The following GRIN1 variants were observed in gnomAD, a reference collection of about 807,000 sequenced individuals.
GRIN1 encodes the protein glutamate ionotropic receptor NMDA type subunit 1.
GRIN1 carries 38 observed loss-of-function variants against 103.0 expected under a neutral mutation model. The ratio of observed to expected loss-of-function variants is 0.37; its 90% confidence interval spans 0.28 to 0.48. GRIN1 has a LOEUF of 0.48. GRIN1 is among the 20% of genes least tolerant of loss of function. The probability of loss-of-function intolerance (pLI) is 0.98; values close to 1 mark genes in which losing one functional copy is unlikely to be tolerated. For missense variants in GRIN1, 577 were observed against 1,288.9 expected (o/e 0.45, Z 8.46); for synonymous variants, 544 against 532.7 (o/e 1.02, Z -0.29).
At chr9:137,163,086 G>A (rs1051336928) in intron 15 of GRIN1, 83 bp downstream of exon 15, 2 of 1,577,014 alleles carry the variant, frequency 1.3e-6, no homozygotes, top group Non-Finnish European at 1.7e-6. Flanking sequence ...GAGAGCGTCC[G>A]GGCCGGGCAC....
intron 19 of GRIN1, among the ~76,000 whole-genome samples, chr9:137,165,817 G>A (rs1165999354): frequency 6.6e-6 from 1 of 152,226 alleles, no homozygotes; most frequent in Non-Finnish European, 1.5e-5. Context: ...CACTGGCCCC[G>A]CCCCCCAGAC....
chr9:137,146,336 C>T lies in GRIN1; in HGVS notation c.570+434C>T, dbSNP rs1832529977. Among the ~76,000 whole-genome samples, 1 of 152,030 alleles carries T rather than the reference C, an allele frequency of 6.6e-6. No individual in the cohort carries two copies. Reference sequence around the variant, plus strand: ...ACATACCGCCCCTGCAGGCCTGTCCCCTCCTGGCTGGGCCCATTCCCTGTC... The same window carrying T: ...ACATACCGCCCCTGCAGGCCTGTCCTCTCCTGGCTGGGCCCATTCCCTGTC... On this transcript the variant is annotated intron_variant, in intron 3 of 19. Transcript: ENST00000371561. This position sits in a 1 kb window ranked among gnomAD's most constrained non-coding sequence, Gnocchi z 6.7.
At position 137,139,557 on chromosome 9, in the gene GRIN1, C is replaced by G. The variant is rs1832050918; in HGVS notation, c.71C>G (p.Pro24Arg). 1.2e-6 allele frequency: 2 copies of G among 1,612,612 alleles called. No homozygotes were observed. The highest frequency in any genetic ancestry group is 2.2e-5 in the South Asian group (2 of 91,074). Residue 24 changes from proline (P) to arginine (R), a missense_variant, in exon 1 of 20, where the codon CCC (proline) becomes CGC (arginine). Transcript: ENST00000371561. The surrounding 1 kb of genome is among the most constrained non-coding windows in gnomAD (Gnocchi z 7.7). ...TCCGTCGCCCGTGCCGCGTGCGACC[C>G]CAAGATCGTCAACATTGGCGCGGTG... ...SCSVARAACD[P>R]KIVNIGAVLS...
At position 137,161,432 on chromosome 9, in the gene GRIN1, G is replaced by T. The variant is rs1444956413; in HGVS notation, c.1467+16G>T. On this transcript the variant is annotated intron_variant, in intron 10 of 19. Coordinates refer to ENST00000371561, the MANE Select transcript of GRIN1 (RefSeq NM_007327.4). ...ACAGGAGCGGGTAGGCTGGACGGCG[G>T]GGGTGGGGACCAGCGTGAGAGGGGC... 1.9e-6 allele frequency: 3 copies of T among 1,607,662 alleles called. No homozygotes were observed. The highest frequency in any genetic ancestry group is 1.7e-6 in the Non-Finnish European group (2 of 1,177,630).
chr9:137,165,541 C>G, intron 19 of GRIN1: 1 of 551,592 alleles, frequency 1.8e-6, no homozygotes, highest in East Asian at 3.1e-5. Flanking sequence ...CGCCCACCTC[C>G]CCTGCCATGA....
chr9:137,161,888 G>A (rs1256195043), intron 10 of GRIN1, 36 bp from the exon 11 acceptor site: 4 of 1,545,956 alleles, frequency 2.6e-6, no homozygotes, highest in Non-Finnish European at 3.5e-6. Context: ...CTGGGAGGAC[G>A]CTGCCTGCAT....
At chr9:137,140,035 G>A (rs1832081364) in intron 1 of GRIN1, among the ~76,000 whole-genome samples, 2 of 152,048 alleles carry the variant, frequency 1.3e-5, no homozygotes, top group Admixed American at 1.3e-4. Flanking sequence ...GAGTGTGTCA[G>A]TGTGGGGGTG....
chr9:137,167,763 C>T lies in GRIN1; in HGVS notation c.*236C>T. The T allele has an allele frequency of 6.2e-7, 1 of 1,611,864 alleles. No individual in the cohort carries two copies. Among genetic ancestry groups the T allele is most frequent in the Non-Finnish European group, 8.5e-7 (1 of 1,179,400 alleles). On this transcript the variant is annotated 3_prime_UTR_variant, in exon 20 of 20. Coordinates refer to ENST00000371561, the MANE Select transcript of GRIN1 (RefSeq NM_007327.4). Reference sequence around the variant, plus strand: ...TAACGGGCGCCTTGTCTGTGTATTTCTATTTTGCAGCAGTACCATCCCACT... The same window carrying T: ...TAACGGGCGCCTTGTCTGTGTATTTTTATTTTGCAGCAGTACCATCCCACT...
chr9:137,155,071 T>G (rs190711099), intron 4 of GRIN1, among the ~76,000 whole-genome samples: 66 of 152,372 alleles, frequency 4.3e-4, no homozygotes, highest in Non-Finnish European at 7.1e-4. Flanking sequence ...TTTCCAAAAC[T>G]TTTCATTTTC....
At chr9:137,144,502 A>T (rs939106220) in intron 2 of GRIN1, among the ~76,000 whole-genome samples, 5 of 151,786 alleles carry the variant, frequency 3.3e-5, no homozygotes, top group African/African-American at 1.2e-4. Context: ...AAAATACAAA[A>T]AAATTAGCCG....
chr9:137,161,079 C>A lies in GRIN1; in HGVS notation c.1221C>A (p.Pro407=). 6.2e-7 allele frequency: 1 copy of A among 1,612,976 alleles called. No homozygotes were observed. The highest frequency in any genetic ancestry group is 1.1e-5 in the South Asian group (1 of 91,086). The change falls in exon 9 of 20, where the codon CCC becomes CCA. Residue 407 remains proline (P), a synonymous_variant. Transcript: ENST00000371561. ...RLKIVTIHQE[P]FVYVKPTLSD... is the part of the protein sequence containing the mutation. ...AGATTGTGACGATCCACCAGGAGCC[C>A]TTCGTGTACGTCAAGCCCACGCTGA...
Position 137,156,659 on chromosome 9 carries a change from T to C in GRIN1, c.672-10T>C. The C allele has an allele frequency of 1.2e-6, 2 of 1,600,224 alleles. No homozygotes were observed. The highest frequency in any genetic ancestry group is 2.3e-5 in the South Asian group (2 of 88,888). On this transcript the variant is annotated splice_polypyrimidine_tract_variant and intron_variant, in intron 4 of 19. Coordinates refer to ENST00000371561, the MANE Select transcript of GRIN1 (RefSeq NM_007327.4). ...GGAGTCCTGGCCCGTCATCCCCGTC[T>C]GCCCCACAGCGAGGACGATGCTGCC...
Position 137,163,163 on chromosome 9 carries a change from C to T in GRIN1, c.2172-6C>T, listed in dbSNP as rs1435746394. 1 of 1,612,738 alleles carries T rather than the reference C, an allele frequency of 6.2e-7. No individual in the cohort carries two copies. The highest frequency in any genetic ancestry group is 8.5e-7 in the Non-Finnish European group (1 of 1,179,822). ...AAGGCCCCCGTGACTCCGCCTCTGC[C>T]GGCAGCAAGCTGCATGCCTTCATCT... On this transcript the variant is annotated splice_polypyrimidine_tract_variant and splice_region_variant and intron_variant, in intron 15 of 19. Transcript: ENST00000371561.
intron 1 of GRIN1, among the ~76,000 whole-genome samples, chr9:137,140,598 A>G (rs1258907580): frequency 1.3e-5 from 2 of 152,222 alleles, no homozygotes; most frequent in Non-Finnish European, 2.9e-5. Flanking sequence ...ATCCATTGAC[A>G]CCTGCTCATG....
At chr9:137,162,109 G>A in intron 11 of GRIN1, 21 bp downstream of exon 11, 1 of 1,531,928 alleles carries the variant, frequency 6.5e-7, no homozygotes, top group South Asian at 1.2e-5. Context: ...GCCGGGTGGC[G>A]GGGTGGCGGC....
rs1192637478 is a variant in GRIN1 at position 137,146,946 on chromosome 9, G to A, written c.570+1044G>A. 1.3e-5 allele frequency among the ~76,000 whole-genome samples: 2 copies of A among 151,858 alleles called. No homozygotes were observed. Among genetic ancestry groups the A allele is most frequent in the Non-Finnish European group, 2.9e-5 (2 of 67,876 alleles). ...GTCGTGGGGGGTCTGCTGAGTCTTGGGGGGGAGGGGCATGGGCACCAAGGG... is the reference window on the plus strand; with the variant it reads ...GTCGTGGGGGGTCTGCTGAGTCTTGAGGGGGAGGGGCATGGGCACCAAGGG... On this transcript the variant is annotated intron_variant, in intron 3 of 19. Coordinates refer to ENST00000371561, the MANE Select transcript of GRIN1 (RefSeq NM_007327.4). This position sits in a 1 kb window ranked among gnomAD's most constrained non-coding sequence, Gnocchi z 6.7.
At chr9:137,141,549 C>T (rs1295218561) in intron 1 of GRIN1, among the ~76,000 whole-genome samples, 1 of 152,198 alleles carries the variant, frequency 6.6e-6, no homozygotes, top group Non-Finnish European at 1.5e-5. Flanking sequence ...CAGCTCCTAG[C>T]TGCTTCCCCC....
chr9:137,150,009 C>A (rs1832749911), intron 4 of GRIN1, among the ~76,000 whole-genome samples: 1 of 152,204 alleles, frequency 6.6e-6, no homozygotes, highest in Non-Finnish European at 1.5e-5. Flanking sequence ...CAGGGTGGGG[C>A]CAGCCAGGGC....
At chr9:137,154,432 CTT>C (rs543160973) in intron 4 of GRIN1, among the ~76,000 whole-genome samples, 68 of 42,962 alleles carry the variant, frequency 1.6e-3, no homozygotes, top group East Asian at 8.1e-3. Context: ...GCTCCAACAA[CTT>C]TTTTTTTTTT....
Sources: gnomAD v4.1 joint callset for allele counts (sites outside exome capture counted in the v4.1 genomes callset) on GRCh38, gnomAD v4.1.1 for gene constraint, Gnocchi (gnomAD v3.1) non-coding constraint, MANE v1.5 for transcripts, NCBI Gene and HGNC (gene_info 2026-07-23, HGNC 2026-07-21) for gene names.